The following MAGI2 variants were observed in gnomAD, a reference collection of about 807,000 sequenced individuals.
MAGI2 encodes the protein membrane-associated guanylate kinase, WW and PDZ domain-containing protein 2.
A neutral mutation model predicts 133.3 loss-of-function variants in MAGI2; 35 were observed. The ratio of observed to expected loss-of-function variants is 0.26; its 90% CI spans 0.20 to 0.35. MAGI2 has a LOEUF of 0.35. MAGI2 is among the 10% of genes least tolerant of loss of function. The pLI is 1.00. For synonymous variants in MAGI2, 729 were observed against 710.6 expected, an observed-to-expected ratio of 1.03 and a Z score of -0.41; for missense variants, 1,636 against 1,863.4, an observed-to-expected ratio of 0.88 and a Z score of 2.25.
intron 3 of MAGI2, among the ~76,000 whole-genome samples, chr7:78,596,159 G>GAGGGAGGGAAGAAATGAAGGA: frequency 7.6e-6 from 1 of 131,406 alleles, no homozygotes; most frequent in Non-Finnish European, 1.6e-5. Context: ...GGAAGGAAGG[G>GAGGGAGGGAAGAAATGAAGGA]AGGGAGGGAA....
At chr7:78,675,783 C>T (rs984585343) in intron 2 of MAGI2, among the ~76,000 whole-genome samples, 6 of 152,146 alleles carry the variant, frequency 3.9e-5, no homozygotes, top group African/African-American at 1.4e-4. Flanking sequence ...TGATAACCAT[C>T]ATCCTTCTTG....
At chr7:78,547,523 A>C (rs201397618) in intron 3 of MAGI2, among the ~76,000 whole-genome samples, 136 of 152,280 alleles carry the variant, frequency 8.9e-4, no homozygotes, top group African/African-American at 3.1e-3. Flanking sequence ...TCATTCATTC[A>C]TTCGTTCATT....
intron 1 of MAGI2, among the ~76,000 whole-genome samples, chr7:79,445,134 C>A (rs1198934860): frequency 6.6e-6 from 1 of 152,200 alleles, no homozygotes; most frequent in African/African-American, 2.4e-5. Flanking sequence ...GAAACTGGAT[C>A]TCTTCCTTAT....
At chr7:79,335,373 T>C (rs957244835) in intron 1 of MAGI2, among the ~76,000 whole-genome samples, 2 of 152,044 alleles carry the variant, frequency 1.3e-5, no homozygotes, top group African/African-American at 4.8e-5. Context: ...GTGATATGAG[T>C]GGCATTTTTA....
At chr7:78,749,842 T>C (rs1301300788) in intron 2 of MAGI2, among the ~76,000 whole-genome samples, 1 of 152,162 alleles carries the variant, frequency 6.6e-6, no homozygotes, top group Non-Finnish European at 1.5e-5. Context: ...AAAAATTTGA[T>C]TTATATAAAC....
rs60580466 is a variant in MAGI2 at position 78,853,332 on chromosome 7, C to CTT, written c.418+153756_418+153757dup. On this transcript the variant is annotated intron_variant, in intron 2 of 21. Transcript: ENST00000354212. ...CTCATATTACTCTTGTCCATTCGTT[C>CTT]TTTTTTTTTTTTTTTTTTTTTTTTT... Among the ~76,000 whole-genome samples the CTT allele has an allele frequency of 5.0e-3, 125 of 25,078 alleles. 43 individuals carry two copies. Among genetic ancestry groups the CTT allele is most frequent in the Admixed American group, 5.5e-3 (9 of 1,636 alleles). The allele number at this position is 25,078 out of a possible 152,430, so 16.5% of individuals were successfully genotyped here.
chr7:78,865,592 A>C (rs2151509971), intron 2 of MAGI2, among the ~76,000 whole-genome samples: 1 of 152,318 alleles, frequency 6.6e-6, no homozygotes, highest in African/African-American at 2.4e-5. Flanking sequence ...ATTAAACACA[A>C]AGTTTCATGG....
intron 6 of MAGI2, among the ~76,000 whole-genome samples, chr7:78,369,672 C>T (rs1469723145): frequency 6.6e-6 from 1 of 152,012 alleles, no homozygotes; most frequent in Non-Finnish European, 1.5e-5. Context: ...CAATTGATAT[C>T]CCACTATTTG....
intron 21 of MAGI2, among the ~76,000 whole-genome samples, chr7:78,021,260 G>A (rs1808368248): frequency 6.6e-6 from 1 of 152,182 alleles, no homozygotes; most frequent in African/African-American, 2.4e-5. Context: ...CAAATTTTGT[G>A]ATATTCTAGA....
chr7:79,170,269 C>T lies in MAGI2; in HGVS notation c.302-163063G>A, dbSNP rs573157397. Among the ~76,000 whole-genome samples the T allele has an allele frequency of 1.0e-4, 15 of 150,600 alleles. No individual in the cohort carries two copies. In the South Asian group the frequency reaches 3.2e-3, roughly 32 times the overall value. ...GCAATTTTCCCAGGCACCTTAAACT[C>T]CCCAGCAATCTTCCTGCTTCAGCCT... On this transcript the variant is annotated intron_variant, in intron 1 of 21. Transcript: ENST00000354212.
chr7:78,666,025 C>T (rs1446478903), intron 2 of MAGI2, among the ~76,000 whole-genome samples: 1 of 152,084 alleles, frequency 6.6e-6, no homozygotes, highest in African/African-American at 2.4e-5. Flanking sequence ...AAGTATGAGG[C>T]CAGTTTCCAA....
At chr7:78,029,452 C>A (rs1233865676) in intron 21 of MAGI2, among the ~76,000 whole-genome samples, 1 of 152,200 alleles carries the variant, frequency 6.6e-6, no homozygotes, top group Non-Finnish European at 1.5e-5. Context: ...GGTTTTCAGA[C>A]CTGTTTAGAA....
intron 2 of MAGI2, among the ~76,000 whole-genome samples, chr7:78,813,581 C>T (rs1446607885): frequency 6.6e-6 from 1 of 151,964 alleles, no homozygotes; most frequent in East Asian, 1.9e-4. Flanking sequence ...GTCAGGAGAT[C>T]GAGACCATCC....
intron 1 of MAGI2, among the ~76,000 whole-genome samples, chr7:79,379,867 G>A (rs1429908877): frequency 7.0e-6 from 1 of 143,024 alleles, no homozygotes; most frequent in Non-Finnish European, 1.5e-5. Context: ...GGGGTTGTTT[G>A]TTTTTTTCTT....
chr7:79,058,913 A>C (rs1303872671), intron 1 of MAGI2, among the ~76,000 whole-genome samples: 4 of 152,100 alleles, frequency 2.6e-5, no homozygotes, highest in Non-Finnish European at 5.9e-5. Flanking sequence ...AGGGACAAAT[A>C]ATAGCATTTA....
intron 1 of MAGI2, among the ~76,000 whole-genome samples, chr7:79,128,802 G>A (rs925116375): frequency 1.3e-5 from 2 of 152,082 alleles, no homozygotes; most frequent in South Asian, 2.1e-4. Context: ...ACCTATCATC[G>A]TAAGTTGAAA....
chr7:78,088,450 C>T (rs1232875197), intron 20 of MAGI2, among the ~76,000 whole-genome samples: 1 of 152,074 alleles, frequency 6.6e-6, no homozygotes, highest in Non-Finnish European at 1.5e-5. Context: ...AGATGGGTGG[C>T]GGGGACATTG....
chr7:78,550,993 A>T (rs1004717438), intron 3 of MAGI2, among the ~76,000 whole-genome samples: 4 of 152,128 alleles, frequency 2.6e-5, no homozygotes, highest in African/African-American at 9.7e-5. Flanking sequence ...TTTCAGACTG[A>T]AATAGGGGAA....
At chr7:79,201,543 T>A (rs993792536) in intron 1 of MAGI2, among the ~76,000 whole-genome samples, 1 of 151,930 alleles carries the variant, frequency 6.6e-6, no homozygotes, top group Non-Finnish European at 1.5e-5. Context: ...GTTTTTTTAA[T>A]GGAAAAATCT....
Sources: allele counts gnomAD v4.1 joint callset (sites outside exome capture counted in the v4.1 genomes callset), GRCh38; gene constraint gnomAD v4.1.1; transcripts MANE v1.5; gene names NCBI Gene and HGNC (gene_info 2026-07-23, HGNC 2026-07-21).